Variants in THADA observed in about 807,000 individuals in gnomAD.
The protein encoded by THADA is tRNA (32-2'-O)-methyltransferase regulator THADA.
THADA carries 213 observed loss-of-function variants against 219.8 expected under a neutral mutation model. The observed-to-expected ratio is 0.97, with a 90% CI of 0.87 to 1.09. The LOEUF (loss-of-function observed/expected upper bound fraction) is 1.09, where lower values mean the gene tolerates loss of function less well. Ranked by LOEUF, THADA falls within the 50% of genes least tolerant of loss-of-function variation. THADA has a pLI of 0.00. For synonymous variants in THADA, 1,018 were observed against 828.9 expected (o/e 1.23, Z -3.92); for missense variants, 2,956 against 2,311.3 (o/e 1.28, Z -5.72).
At chr2:43,480,195 T>C (rs898619933) in intron 26 of THADA, among the ~76,000 whole-genome samples, 21 of 152,184 alleles carry the variant, frequency 1.4e-4, no homozygotes, top group Non-Finnish European at 2.4e-4. Flanking sequence ...GAGCCTTAGG[T>C]CCCTCTTCTG....
intron 29 of THADA, among the ~76,000 whole-genome samples, chr2:43,382,923 A>C (rs1400605709): frequency 1.3e-5 from 2 of 152,228 alleles, no homozygotes; most frequent in Non-Finnish European, 2.9e-5. Context: ...CAAAGAAGGA[A>C]TATAATTATA....
chr2:43,343,989 A>G, intron 30 of THADA, 133 bp downstream of exon 30: 1 of 622,218 alleles, frequency 1.6e-6, no homozygotes, highest in Middle Eastern at 2.7e-4. Flanking sequence ...AAAGTTCTAA[A>G]AGGATAAATA....
intron 26 of THADA, among the ~76,000 whole-genome samples, chr2:43,471,949 C>T (rs1684957745): frequency 1.3e-5 from 2 of 152,184 alleles, no homozygotes; most frequent in Admixed American, 1.3e-4. Context: ...AGATCATGCA[C>T]ACAAACCCAC....
chr2:43,468,995 T>C (rs887036299), intron 26 of THADA, among the ~76,000 whole-genome samples: 9 of 152,212 alleles, frequency 5.9e-5, no homozygotes, highest in African/African-American at 2.2e-4. Context: ...CATCATTGCC[T>C]ACCTACTATA....
At chr2:43,399,186 A>C (rs1674474411) in intron 28 of THADA, among the ~76,000 whole-genome samples, 1 of 152,210 alleles carries the variant, frequency 6.6e-6, no homozygotes, top group African/African-American at 2.4e-5. Context: ...AGACTTCATG[A>C]TTTTTCATCC....
rs1674091980 is a variant in THADA at position 43,286,914 on chromosome 2, T to C, written c.5158A>G (p.Ile1720Val). 2 of 1,610,878 alleles carry C rather than the reference T, an allele frequency of 1.2e-6. No individual in the cohort carries two copies. Among genetic ancestry groups the C allele is most frequent in the East Asian group, 4.5e-5 (2 of 44,772 alleles). Residue 1720 changes from isoleucine to valine, a missense_variant, in exon 35 of 38, where the codon ATT (isoleucine) becomes GTT (valine). Physicochemically the swap from Ile to Val is conservative, Grantham distance 29. Transcript: ENST00000405975. ...TCCGTCTCGGCGCACTTACCAAGAA[T>C]AGGATGGGGGTTGGTGAGGAAAAGT... ...TPLFLTNPHP[I>V]LELQDTLALW...
intron 31 of THADA, among the ~76,000 whole-genome samples, chr2:43,297,433 G>A (rs1247409516): frequency 2.1e-5 from 2 of 96,710 alleles, no homozygotes; most frequent in Non-Finnish European, 1.9e-5. Flanking sequence ...CAGCCACCCC[G>A]TCCGGGAGGG....
At chr2:43,413,794 A>G (rs1676604923) in intron 28 of THADA, among the ~76,000 whole-genome samples, 1 of 152,192 alleles carries the variant, frequency 6.6e-6, no homozygotes, top group Non-Finnish European at 1.5e-5. Flanking sequence ...TCACAGTCCC[A>G]CAGTTCTTAA....
intron 25 of THADA, among the ~76,000 whole-genome samples, chr2:43,497,890 A>AAAACAAACAAAC (rs902781304): frequency 1.3e-5 from 2 of 152,114 alleles, no homozygotes; most frequent in African/African-American, 4.8e-5. Flanking sequence ...AACTCAATTA[A>AAAACAAACAAAC]AAACAAACAA....
At position 43,518,895 on chromosome 2, in the gene THADA, A is replaced by G. The variant is rs553894784; in HGVS notation, c.3374+8984T>C. Among the ~76,000 whole-genome samples the G allele has an allele frequency of 2.0e-5, 3 of 152,128 alleles. No homozygotes were observed. In the South Asian group the frequency reaches 6.2e-4, roughly 32 times the overall value. On this transcript the variant is annotated intron_variant, in intron 22 of 37. Coordinates refer to ENST00000405975, the MANE Select transcript of THADA (RefSeq NM_022065.5). Reference sequence around the variant, plus strand: ...TATTGGGGGAGTCCCAGGTCACACTATCTCCAACCTGGACCCCTCTGCTAA... The same window carrying G: ...TATTGGGGGAGTCCCAGGTCACACTGTCTCCAACCTGGACCCCTCTGCTAA...
rs554854203 is a variant in THADA, at chr2:43,461,457, T to C, written c.3836+23777A>G. On this transcript the variant is annotated intron_variant, in intron 26 of 37. Coordinates refer to ENST00000405975, the MANE Select transcript of THADA (RefSeq NM_022065.5). ...TCCTAACTACATCCACTCCCTGACT[T>C]TGCCCTCCCCCAAACCTGACTAGGG... 1.1e-3 allele frequency among the ~76,000 whole-genome samples: 164 copies of C among 152,242 alleles called. 1 individual carries two copies. The highest frequency in any genetic ancestry group is 3.9e-3 in the African/African-American group (161 of 41,542).
chr2:43,467,284 T>C (rs1370357921), intron 26 of THADA, among the ~76,000 whole-genome samples: 1 of 151,946 alleles, frequency 6.6e-6, no homozygotes, highest in Non-Finnish European at 1.5e-5. Flanking sequence ...AAAAAACCTT[T>C]CATGTAGTGC....
At chr2:43,444,366 C>A (rs1311988211) in intron 26 of THADA, among the ~76,000 whole-genome samples, 3 of 152,196 alleles carry the variant, frequency 2.0e-5, no homozygotes, top group Non-Finnish European at 4.4e-5. Flanking sequence ...GAGCACTAAC[C>A]TTGACACCAA....
chr2:43,541,333 CACA>C lies in THADA; in HGVS notation c.3107-20_3107-18del, dbSNP rs759562841. ...CTTCTTTACCTTAAACAAAAAAAAA[CACA>C]ACGATTGCAACCTTGATTACTCATA... On this transcript the variant is annotated intron_variant, in intron 20 of 37. Coordinates refer to ENST00000405975, the MANE Select transcript of THADA (RefSeq NM_022065.5). The C allele has an allele frequency of 3.6e-5, 58 of 1,608,538 alleles. No individual in the cohort carries two copies. The highest frequency in any genetic ancestry group is 3.3e-5 in the Non-Finnish European group (39 of 1,177,506).
At chr2:43,287,572 C>A (rs1674186475) in intron 34 of THADA, among the ~76,000 whole-genome samples, 1 of 152,192 alleles carries the variant, frequency 6.6e-6, no homozygotes, top group Non-Finnish European at 1.5e-5. Flanking sequence ...GCTGGCATTA[C>A]AGACATGAGC....
In THADA at chr2:43,485,255, T is replaced by G. The variant is rs777645816; in HGVS notation, c.3815A>C (p.Asp1272Ala). Residue 1272 changes from aspartate (D) to alanine (A), a missense_variant, in exon 26 of 38, where the codon GAT becomes GCT. By Grantham distance (126) the Asp-to-Ala change is moderately radical. Coordinates refer to ENST00000405975, the MANE Select transcript of THADA (RefSeq NM_022065.5). ...TRIFGVKRAK[D>A]EHSKTNRMTG... ...TTACCTATTTGTTTTGGAATGTTCA[T>G]CCTTTGCCCTTTTAACTCCAAAAAT... 1 of 1,612,684 alleles carries G rather than the reference T, an allele frequency of 6.2e-7. No homozygotes were observed. Among genetic ancestry groups the G allele is most frequent in the Non-Finnish European group, 8.5e-7 (1 of 1,179,128 alleles).
intron 1 of THADA, among the ~76,000 whole-genome samples, chr2:43,593,716 C>G (rs1161570261): frequency 2.0e-5 from 3 of 150,448 alleles, no homozygotes; most frequent in Admixed American, 6.6e-5. Flanking sequence ...TCACTGCAAG[C>G]TCAGCCTCCT....
At chr2:43,514,438 G>A (rs557566260) in intron 22 of THADA, among the ~76,000 whole-genome samples, 2 of 141,692 alleles carry the variant, frequency 1.4e-5, no homozygotes, top group Admixed American at 7.3e-5. Flanking sequence ...GTGACAGAGT[G>A]AGACCCTGTC....
intron 31 of THADA, among the ~76,000 whole-genome samples, chr2:43,303,230 A>G (rs1676466641): frequency 6.6e-6 from 1 of 152,204 alleles, no homozygotes; most frequent in Non-Finnish European, 1.5e-5. Context: ...TCCTTTGGTA[A>G]TATCAGATGT....
Sources: allele counts gnomAD v4.1 joint callset (sites outside exome capture counted in the v4.1 genomes callset), GRCh38; gene constraint gnomAD v4.1.1; transcripts MANE v1.5; gene names NCBI Gene and HGNC (gene_info 2026-07-23, HGNC 2026-07-21).